OXSR1: variants seen among roughly 807,000 people sequenced by gnomAD.
OXSR1 encodes the protein oxidative stress responsive kinase 1, also known as serine/threonine-protein kinase OSR1.
A neutral mutation model predicts 79.8 loss-of-function variants in OXSR1; 24 were observed. The ratio of observed to expected loss-of-function variants is 0.30; its 90% confidence interval spans 0.22 to 0.42. The LOEUF (loss-of-function observed/expected upper bound fraction) is 0.42, where lower values mean the gene tolerates loss of function less well. Among genes scored for constraint, OXSR1 ranks in the 10% least tolerant of loss-of-function variants. The pLI, the probability that OXSR1 is intolerant of heterozygous loss-of-function variation, is 1.00. For missense variants in OXSR1, 430 were observed against 618.4 expected (o/e 0.70, Z 3.23); for synonymous variants, 226 against 209.2 (o/e 1.08, Z -0.69).
At chr3:38,247,637 C>T (rs1035597739) in intron 13 of OXSR1, 31 bp from the exon 14 acceptor site, 3 of 1,534,854 alleles carry the variant, frequency 2.0e-6, no homozygotes, top group Non-Finnish European at 2.7e-6. Flanking sequence ...ATGTTTCAGG[C>T]AATGACTGTA....
intron 14 of OXSR1, among the ~76,000 whole-genome samples, chr3:38,248,122 C>T (rs1269653869): frequency 6.6e-6 from 1 of 152,050 alleles, no homozygotes; most frequent in Non-Finnish European, 1.5e-5. Context: ...TCAACTAACC[C>T]AAGAGGGGAG....
intron 10 of OXSR1, among the ~76,000 whole-genome samples, chr3:38,234,672 A>G (rs533503798): frequency 1.3e-5 from 2 of 152,360 alleles, no homozygotes; most frequent in African/African-American, 4.8e-5. Flanking sequence ...CACTTTGGAA[A>G]GCAGTCTGGC....
chr3:38,251,428 A>T lies in OXSR1; in HGVS notation c.1401A>T (p.Glu467Asp). The change falls in exon 16 of 18, where the codon GAA becomes GAT. Residue 467 changes from glutamate to aspartate, a missense_variant. Glu to Asp is a conservative substitution (Grantham distance 45). Transcript: ENST00000311806. ...ATACAGCAGAGGGTGTCTCTCAGGAACTCATTTCTGCTGGCCTGGTCGACG... is the reference window on the plus strand; with the variant it reads ...ATACAGCAGAGGGTGTCTCTCAGGATCTCATTTCTGCTGGCCTGGTCGACG... ...GRDTAEGVSQELISAGLVDGR... is the reference protein window; with the variant it reads ...GRDTAEGVSQDLISAGLVDGR... 6.2e-7 allele frequency: 1 copy of T among 1,611,738 alleles called. No individual in the cohort carries two copies. The highest frequency in any genetic ancestry group is 8.5e-7 in the Non-Finnish European group (1 of 1,178,034).
Position 38,246,223 on chromosome 3 carries a change from TA to T in OXSR1, c.1257+5del. On this transcript the variant is annotated splice_donor_region_variant and intron_variant, in intron 13 of 17. Coordinates refer to ENST00000311806, the MANE Select transcript of OXSR1 (RefSeq NM_005109.3). ...GCAGAGCCAGCAAAAACAGCTCAGG[TA>T]AAGCCGGGGATATGGTTTCATGGTC... 6.2e-7 allele frequency: 1 copy of T among 1,613,536 alleles called. No individual in the cohort carries two copies. The highest frequency in any genetic ancestry group is 8.5e-7 in the Non-Finnish European group (1 of 1,179,680).
At chr3:38,187,152 A>C (rs1362044792) in intron 2 of OXSR1, among the ~76,000 whole-genome samples, 1 of 152,234 alleles carries the variant, frequency 6.6e-6, no homozygotes, top group Non-Finnish European at 1.5e-5. Context: ...AGAGAGATAC[A>C]TTCTATCATT....
intron 1 of OXSR1, among the ~76,000 whole-genome samples, 177 bp from the exon 2 acceptor site, chr3:38,182,826 A>G (rs756125255): frequency 1.3e-5 from 2 of 152,330 alleles, no homozygotes; most frequent in South Asian, 4.1e-4. Flanking sequence ...TTGGCAGTAC[A>G]TATGAAATGG....
intron 1 of OXSR1, among the ~76,000 whole-genome samples, chr3:38,177,096 T>C (rs1701689223): frequency 6.6e-6 from 1 of 152,236 alleles, no homozygotes; most frequent in Non-Finnish European, 1.5e-5. Flanking sequence ...CACATCTGCA[T>C]ATTAGAAGAT....
At chr3:38,229,296 A>G (rs1439683264) in intron 8 of OXSR1, among the ~76,000 whole-genome samples, 2 of 152,028 alleles carry the variant, frequency 1.3e-5, no homozygotes, top group Non-Finnish European at 2.9e-5. Context: ...TTGTGTGTTT[A>G]AATATATTTT....
rs538267713 is a variant in OXSR1 at position 38,192,438 on chromosome 3, A to T, written c.292+1599A>T. Among the ~76,000 whole-genome samples the T allele has an allele frequency of 1.2e-4, 19 of 152,292 alleles. No individual in the cohort carries two copies. In the East Asian group the frequency reaches 3.7e-3, roughly 29 times the overall value. On this transcript the variant is annotated intron_variant, in intron 3 of 17. Coordinates refer to ENST00000311806, the MANE Select transcript of OXSR1 (RefSeq NM_005109.3). ...TGCTTGGAGTGCTCATTACTACTTC[A>T]TTGCTTCCAGAGCTTGGAAATATAT... is the stretch of plus-strand genomic sequence containing the variant.
At chr3:38,250,811 G>A (rs969501993) in intron 15 of OXSR1, among the ~76,000 whole-genome samples, 4 of 152,146 alleles carry the variant, frequency 2.6e-5, no homozygotes, top group African/African-American at 9.7e-5. Context: ...TGTGGACACT[G>A]TCTCCACCGC....
At chr3:38,231,121 G>C (rs913293369) in intron 10 of OXSR1, among the ~76,000 whole-genome samples, 2 of 152,252 alleles carry the variant, frequency 1.3e-5, no homozygotes, top group East Asian at 1.9e-4. Context: ...ATTATGTCTA[G>C]CAGTGGCTTA....
chr3:38,164,198 T>G (rs973016913), upstream of OXSR1, among the ~76,000 whole-genome samples: 11 of 152,160 alleles, frequency 7.2e-5, no homozygotes, highest in African/African-American at 2.7e-4. Context: ...GGTGTCTCCG[T>G]CTGTTGCCCA....
intron 15 of OXSR1, 48 bp from the exon 16 acceptor site, chr3:38,251,355 T>A: frequency 6.7e-7 from 1 of 1,484,504 alleles, no homozygotes; most frequent in Non-Finnish European, 9.4e-7. Flanking sequence ...GAGTTAACAG[T>A]GGCAAGCACG....
chr3:38,192,285 T>C (rs970919466), intron 3 of OXSR1, among the ~76,000 whole-genome samples: 4 of 152,166 alleles, frequency 2.6e-5, no homozygotes, highest in Non-Finnish European at 5.9e-5. Flanking sequence ...ATTACATCCT[T>C]AACTTTATAA....
intron 14 of OXSR1, 52 bp downstream of exon 14, chr3:38,247,784 T>A: frequency 8.6e-7 from 1 of 1,158,908 alleles, no homozygotes; most frequent in East Asian, 2.4e-5. Flanking sequence ...ATATTCTGCA[T>A]GTGCTGTAAT....
Position 38,242,775 on chromosome 3 carries a change from T to C in OXSR1, c.1107T>C (p.Ser369=), listed in dbSNP as rs759421186. 27 of 1,542,356 alleles carry C rather than the reference T, an allele frequency of 1.8e-5. 1 individual carries two copies. In the South Asian group the frequency reaches 3.1e-4, roughly 18 times the overall value. ...SPRVKESISN[S]ELFPTTDPVG... ...GAGTGAAAGAATCAATATCAAATTC[T>C]GAGGTAAGTAATTGTGATTATTGAA... The change falls in exon 12 of 18, where the codon TCT becomes TCC. Residue 369 remains serine, a synonymous_variant. Transcript: ENST00000311806.
At chr3:38,176,966 A>G (rs1701687073) in intron 1 of OXSR1, among the ~76,000 whole-genome samples, 2 of 152,364 alleles carry the variant, frequency 1.3e-5, no homozygotes, top group Admixed American at 6.5e-5. Flanking sequence ...TATGTATATA[A>G]GATAAATCAA....
chr3:38,224,521 A>T, intron 7 of OXSR1, 50 bp from the exon 8 acceptor site: 4 of 1,479,754 alleles, frequency 2.7e-6, no homozygotes, highest in Non-Finnish European at 3.6e-6. Flanking sequence ...CACAATAGTT[A>T]AACTTTACTG....
chr3:38,173,803 G>A (rs1226057909), intron 1 of OXSR1, among the ~76,000 whole-genome samples: 1 of 152,156 alleles, frequency 6.6e-6, no homozygotes, highest in Non-Finnish European at 1.5e-5. Context: ...ATAAAACAAT[G>A]AAGCAAACAC....
Sources: allele counts gnomAD v4.1 joint callset (sites outside exome capture counted in the v4.1 genomes callset), GRCh38; gene constraint gnomAD v4.1.1; transcripts MANE v1.5; gene names NCBI Gene and HGNC (gene_info 2026-07-23, HGNC 2026-07-21).